The following PLXND1 variants were observed in gnomAD, a reference collection of about 807,000 sequenced individuals.
PLXND1 encodes plexin D1, also known as plexin-D1.
PLXND1 carries 54 observed loss-of-function variants against 197.7 expected under a neutral mutation model. That is an observed-to-expected ratio of 0.27 (90% CI 0.22 to 0.34). The LOEUF (loss-of-function observed/expected upper bound fraction) is 0.34, where lower values mean the gene tolerates loss of function less well. Ranked by LOEUF, PLXND1 falls within the 10% of genes least tolerant of loss-of-function variation. PLXND1 has a pLI of 1.00. For synonymous variants in PLXND1, 1,180 were observed against 1,161.2 expected, an observed-to-expected ratio of 1.02 and a Z score of -0.33; for missense variants, 2,127 against 2,699.2, an observed-to-expected ratio of 0.79 and a Z score of 4.70.
rs1373965511 is a variant in PLXND1, at chr3:129,606,583, G to A, written c.57C>T (p.Ser19=). The change falls in exon 1 of 36, where the codon AGC becomes AGT. Residue 19 remains serine (S), a synonymous_variant. Transcript: ENST00000324093. ...APLSARAAAA[S]PPPFQTPPRC... is the part of the protein sequence containing the mutation. ...GCGGCGGCGTCTGGAACGGCGGGGG[G>A]CTGGCGGCGGCGGCCCGGGCGCTAA... The A allele has an allele frequency of 7.4e-6, 9 of 1,224,152 alleles. No homozygotes were observed. Among genetic ancestry groups the A allele is most frequent in the Non-Finnish European group, 9.2e-6 (9 of 983,534 alleles). 75.8% of individuals were successfully genotyped at this position (1,224,152 alleles called of 1,614,324 possible).
intron 9 of PLXND1, among the ~76,000 whole-genome samples, chr3:129,576,692 C>A (rs2085318656): frequency 6.6e-6 from 1 of 152,216 alleles, no homozygotes; most frequent in Admixed American, 6.5e-5. Flanking sequence ...TGCAAGTTGA[C>A]CCCTTCTCTG....
At chr3:129,563,033 G>A (rs114027456) in intron 26 of PLXND1, 61 bp downstream of exon 26, 19,088 of 1,611,062 alleles carry the variant, frequency 0.012, 113 homozygotes, top group Non-Finnish European at 0.015. Context: ...GAGGAAGGCT[G>A]GGTCAATGCC....
intron 22 of PLXND1, 33 bp downstream of exon 22, chr3:129,567,457 GCA>G (rs1270737623): frequency 2.3e-5 from 30 of 1,287,042 alleles, no homozygotes; most frequent in Non-Finnish European, 3.0e-5. Flanking sequence ...GAGGTGGCTG[GCA>G]CAGGTTCAGG....
Position 129,567,390 on chromosome 3 carries a change from T to C in PLXND1, c.4086+102A>G. The C allele has an allele frequency of 4.2e-6, 3 of 708,156 alleles. No homozygotes were observed. In the Admixed American group the frequency reaches 6.4e-5, roughly 15 times the overall value. The allele number at this position is 708,156 out of a possible 1,614,324, so 43.9% of individuals were successfully genotyped here. On this transcript the variant is annotated intron_variant, in intron 22 of 35. Transcript: ENST00000324093. ...ACGGCTGCGGACAGCTGTGCAGGTT[T>C]GGCACTGCTCAAGGGACCCTATAGG...
chr3:129,590,018 G>A (rs939019158), intron 1 of PLXND1, among the ~76,000 whole-genome samples: 7 of 152,122 alleles, frequency 4.6e-5, no homozygotes, highest in Non-Finnish European at 5.9e-5. Flanking sequence ...CGTCTCCACA[G>A]CAACCATGGG....
intron 30 of PLXND1, 36 bp downstream of exon 30, chr3:129,560,653 G>A (rs767619538): frequency 9.1e-6 from 14 of 1,537,658 alleles, no homozygotes; most frequent in Admixed American, 1.7e-5. Context: ...ACCCACTGAG[G>A]GGCTGGATCC....
chr3:129,558,412 C>T lies in PLXND1; in HGVS notation c.5445+16G>A, dbSNP rs1474071628. ...GCCCTGTGCATGGGCCTGGCCTGGT[C>T]CTGGGAACAGCTGACCTTGCCCAGC... On this transcript the variant is annotated intron_variant, in intron 33 of 35. Coordinates refer to ENST00000324093, the MANE Select transcript of PLXND1 (RefSeq NM_015103.3). The surrounding 1 kb of genome is among the most constrained non-coding windows in gnomAD (Gnocchi z 4.1). 4 of 1,611,698 alleles carry T rather than the reference C, an allele frequency of 2.5e-6. No homozygotes were observed. In the Admixed American group the frequency reaches 5.0e-5, roughly 20 times the overall value.
chr3:129,561,980 A>G (rs2085069145), intron 27 of PLXND1, 77 bp from the exon 28 acceptor site: 5 of 914,362 alleles, frequency 5.5e-6, no homozygotes, highest in South Asian at 3.9e-5. Context: ...CCAGCCACAT[A>G]GGGAGAGGCC....
rs1054661904 is a variant in PLXND1 at position 129,577,509 on chromosome 3, C to T, written c.2346+820G>A. On this transcript the variant is annotated intron_variant, in intron 9 of 35. Coordinates refer to ENST00000324093, the MANE Select transcript of PLXND1 (RefSeq NM_015103.3). The surrounding 1 kb of genome is among the most constrained non-coding windows in gnomAD (Gnocchi z 5.0). ...CCCCACCCTAGCCCTCCCAGAGCTC[C>T]AGCCCCTGCCACGAGGCTTCCCGAC... is the stretch of plus-strand genomic sequence containing the variant. 2.0e-5 allele frequency among the ~76,000 whole-genome samples: 3 copies of T among 152,154 alleles called. No individual in the cohort carries two copies. Among genetic ancestry groups the T allele is most frequent in the Admixed American group, 1.3e-4 (2 of 15,282 alleles).
chr3:129,598,738 C>T (rs1157222624), intron 1 of PLXND1, among the ~76,000 whole-genome samples: 1 of 152,152 alleles, frequency 6.6e-6, no homozygotes, highest in Non-Finnish European at 1.5e-5. Flanking sequence ...GGCTCACACC[C>T]CTTCGGTCAA....
At position 129,569,917 on chromosome 3, in the gene PLXND1, T is replaced by C. The variant is rs762468704; in HGVS notation, c.3791A>G (p.Gln1264Arg). 29 of 1,613,218 alleles carry C rather than the reference T, an allele frequency of 1.8e-5. No individual in the cohort carries two copies. In the African/African-American group the frequency reaches 3.3e-4, roughly 19 times the overall value. The change falls in exon 20 of 36, where the codon CAG (glutamine) becomes CGG (arginine). Residue 1264 changes from glutamine to arginine, a missense_variant. This residue lies in a region of PLXND1 where 532 missense variants were observed against 811.0 expected (regional missense o/e 0.66). Coordinates refer to ENST00000324093, the MANE Select transcript of PLXND1 (RefSeq NM_015103.3). ...GATGGCCGTCTCGCTGCCCCCCAGC[T>C]GCAGTGTGGCGATGGTCTGGTTGAA... is the stretch of plus-strand genomic sequence containing the variant. ...GNFNQTIATL[Q>R]LGGSETAIIV...
intron 8 of PLXND1, among the ~76,000 whole-genome samples, chr3:129,581,994 C>G (rs572493381): frequency 1.8e-4 from 28 of 152,366 alleles, no homozygotes; most frequent in African/African-American, 6.5e-4. Flanking sequence ...CAGACAGGAG[C>G]AGGAGTCCTA....
rs1489640427 is a variant in PLXND1 at position 129,569,828 on chromosome 3, G to C, written c.3865+15C>G. 1.4e-6 allele frequency: 2 copies of C among 1,469,698 alleles called. No individual in the cohort carries two copies. Among genetic ancestry groups the C allele is most frequent in the Non-Finnish European group, 1.9e-6 (2 of 1,048,682 alleles). 91.0% of individuals were successfully genotyped at this position (1,469,698 alleles called of 1,614,324 possible). On this transcript the variant is annotated intron_variant, in intron 20 of 35. Transcript: ENST00000324093. Reference sequence around the variant, plus strand: ...AGCCTGCCCTCCAAGGTGTCCTGAGGGTGGGGCTCCTTACCCACCACGGAG... The same window carrying C: ...AGCCTGCCCTCCAAGGTGTCCTGAGCGTGGGGCTCCTTACCCACCACGGAG...
intron 29 of PLXND1, 58 bp from the exon 30 acceptor site, chr3:129,560,781 T>G: frequency 9.9e-7 from 1 of 1,009,484 alleles, no homozygotes; most frequent in Non-Finnish European, 1.6e-6. Context: ...GAAACAGAAA[T>G]GAAGACAGAA....
chr3:129,559,844 C>T (rs2085032034), intron 31 of PLXND1, 61 bp from the exon 32 acceptor site: 2 of 1,383,520 alleles, frequency 1.4e-6, no homozygotes, highest in Non-Finnish European at 1.9e-6. Context: ...CTAGTGGGCA[C>T]CCTTGGTGGC....
chr3:129,561,601 G>A (rs1371740708), intron 29 of PLXND1, 45 bp downstream of exon 29: 1 of 1,430,720 alleles, frequency 7.0e-7, no homozygotes, highest in Non-Finnish European at 9.7e-7. Flanking sequence ...GGAAGCCCCT[G>A]TCCACACGCA....
Position 129,555,423 on chromosome 3 carries a change from C to T in PLXND1, c.*889G>A. 1.5e-6 allele frequency: 1 copy of T among 654,096 alleles called. No individual in the cohort carries two copies. The highest frequency in any genetic ancestry group is 1.7e-5 in the South Asian group (1 of 59,216). The allele number at this position is 654,096 out of a possible 1,614,324, so 40.5% of individuals were successfully genotyped here. On this transcript the variant is annotated 3_prime_UTR_variant, in exon 36 of 36. Transcript: ENST00000324093. Reference sequence around the variant, plus strand: ...AGGGGCGCTCTGCCAGGTCTGCCCGCTCTCTGGAACAGTCATTTCCAGTGT... The same window carrying T: ...AGGGGCGCTCTGCCAGGTCTGCCCGTTCTCTGGAACAGTCATTTCCAGTGT...
chr3:129,564,111 A>G lies in PLXND1; in HGVS notation c.4522-871T>C, dbSNP rs565050301. Among the ~76,000 whole-genome samples the G allele has an allele frequency of 1.3e-3, 192 of 152,330 alleles. 8 individuals are homozygous for G. Among genetic ancestry groups the G allele is most frequent in the Non-Finnish European group, 2.2e-4 (15 of 68,022 alleles). ...TGGCCCTTGTGGTTCCTGATGGCCC[A>G]CAGTGAGGCAGCCCGCAGAAGGCGG... On this transcript the variant is annotated intron_variant, in intron 25 of 35. Coordinates refer to ENST00000324093, the MANE Select transcript of PLXND1 (RefSeq NM_015103.3).
In PLXND1 at chr3:129,571,061, C is replaced by A; in HGVS notation, c.3579G>T (p.Glu1193Asp). 2 of 1,614,102 alleles carry A rather than the reference C, an allele frequency of 1.2e-6. No individual in the cohort carries two copies. Among genetic ancestry groups the A allele is most frequent in the East Asian group, 2.2e-5 (1 of 44,872 alleles). The stretch of plus-strand genomic sequence containing the variant: ...TCACGTGGATAACGAGGGTGAGAGG[C>A]TCCCCGGGGTGGTGCTTGATCCACT... ...REKWIKHHPG[E>D]PLTLVIHKEQ... The change falls in exon 18 of 36, where the codon GAG (glutamate) becomes GAT (aspartate). Residue 1193 changes from glutamate to aspartate, a missense_variant. Glu to Asp is a conservative substitution (Grantham distance 45). Around this residue, in one of 6 missense-constraint regions of PLXND1, gnomAD observed 532 missense variants for 811.0 expected, o/e 0.66. Coordinates refer to ENST00000324093, the MANE Select transcript of PLXND1 (RefSeq NM_015103.3).
Sources: gnomAD v4.1 joint callset for allele counts (sites outside exome capture counted in the v4.1 genomes callset) on GRCh38, gnomAD v4.1.1 for gene constraint, gnomAD v4.1.1 regional missense constraint, Gnocchi (gnomAD v3.1) non-coding constraint, MANE v1.5 for transcripts, NCBI Gene and HGNC (gene_info 2026-07-23, HGNC 2026-07-21) for gene names.